FMN1: variants seen among roughly 807,000 people sequenced by gnomAD.
The protein encoded by FMN1 is formin-1.
Under a neutral mutation model 132.4 loss-of-function variants are expected in FMN1, and 110 were observed. The observed-to-expected ratio is 0.83, with a 90% CI of 0.71 to 0.97. FMN1 has a LOEUF of 0.97. Ranked by LOEUF, FMN1 falls within the 50% of genes least tolerant of loss-of-function variation. The pLI, the probability that FMN1 is intolerant of heterozygous loss-of-function variation, is 0.00. For missense variants in FMN1, 1,792 were observed against 1,705.3 expected (o/e 1.05, Z -0.90); for synonymous variants, 722 against 651.7 (o/e 1.11, Z -1.64).
chr15:32,971,310 T>C (rs1307512426), intron 7 of FMN1, among the ~76,000 whole-genome samples: 1 of 152,216 alleles, frequency 6.6e-6, no homozygotes, highest in Non-Finnish European at 1.5e-5. Context: ...TTTTTAAAAT[T>C]TTCAGACAAT....
intron 9 of FMN1, among the ~76,000 whole-genome samples, chr15:32,938,422 G>A (rs1006884841): frequency 4.6e-5 from 7 of 151,992 alleles, no homozygotes; most frequent in South Asian, 2.1e-4. Context: ...CCAGCTCCTC[G>A]GGAGGCTGAG....
intron 4 of FMN1, among the ~76,000 whole-genome samples, chr15:33,125,985 A>C (rs1254900364): frequency 6.7e-6 from 1 of 149,910 alleles, no homozygotes; most frequent in Non-Finnish European, 1.5e-5. Context: ...CTAAGTTAGG[A>C]AAGTGGCTTC....
intron 4 of FMN1, among the ~76,000 whole-genome samples, chr15:33,099,027 G>A (rs2141404211): frequency 6.6e-6 from 1 of 152,256 alleles, no homozygotes; most frequent in South Asian, 2.1e-4. Flanking sequence ...AACACTTTGG[G>A]AAGCTGAGGC....
At chr15:33,056,022 T>A (rs1041250567) in intron 6 of FMN1, among the ~76,000 whole-genome samples, 1 of 152,154 alleles carries the variant, frequency 6.6e-6, no homozygotes, top group African/African-American at 2.4e-5. Context: ...AAAACCAGAA[T>A]GAGCTCAAAT....
intron 15 of FMN1, among the ~76,000 whole-genome samples, chr15:32,895,075 A>C (rs2060121678): frequency 6.6e-6 from 1 of 152,154 alleles, no homozygotes. Context: ...ATATTTTGCT[A>C]TCATAAGCTA....
chr15:33,061,436 A>AAT (rs1466261510), intron 6 of FMN1, among the ~76,000 whole-genome samples: 1 of 152,028 alleles, frequency 6.6e-6, no homozygotes, highest in African/African-American at 2.4e-5. Flanking sequence ...CATATATACA[A>AAT]ATATATATTT....
intron 17 of FMN1, among the ~76,000 whole-genome samples, chr15:32,843,252 C>T (rs1386866761): frequency 1.3e-5 from 2 of 151,950 alleles, no homozygotes; most frequent in East Asian, 3.9e-4. Context: ...AATGAGAAAA[C>T]AATTTGAAAG....
At chr15:32,928,848 G>A (rs2061028509) in intron 9 of FMN1, among the ~76,000 whole-genome samples, 1 of 152,152 alleles carries the variant, frequency 6.6e-6, no homozygotes, top group Non-Finnish European at 1.5e-5. Context: ...CTGCCTACAA[G>A]AAAGGTAATG....
chr15:32,984,249 C>T (rs2032906395), intron 7 of FMN1, among the ~76,000 whole-genome samples: 2 of 152,064 alleles, frequency 1.3e-5, no homozygotes, highest in South Asian at 2.1e-4. Context: ...TTAGGTTTAG[C>T]TTAAAGGACT....
chr15:33,065,157 T>C (rs1229582677), intron 5 of FMN1, 83 bp from the exon 6 acceptor site: 5 of 864,886 alleles, frequency 5.8e-6, no homozygotes, highest in East Asian at 2.6e-5. Flanking sequence ...AACCTAATTC[T>C]GAAGTTAATT....
chr15:33,038,309 T>G (rs2036275633), intron 6 of FMN1, among the ~76,000 whole-genome samples: 1 of 152,214 alleles, frequency 6.6e-6, no homozygotes, highest in African/African-American at 2.4e-5. Context: ...GAACACTGAT[T>G]TGCCGCCCTG....
intron 9 of FMN1, among the ~76,000 whole-genome samples, chr15:32,950,484 A>G (rs2061627226): frequency 6.6e-6 from 1 of 152,206 alleles, no homozygotes; most frequent in African/African-American, 2.4e-5. Flanking sequence ...TGTGGTACAT[A>G]TACACTATGG....
intron 3 of FMN1, among the ~76,000 whole-genome samples, chr15:33,166,054 A>G (rs956977235): frequency 6.6e-6 from 1 of 152,244 alleles, no homozygotes; most frequent in Non-Finnish European, 1.5e-5. Flanking sequence ...TCACAGTAAT[A>G]TGACATCTGT....
At chr15:33,177,803 G>C (rs1019456311) in intron 3 of FMN1, among the ~76,000 whole-genome samples, 1 of 152,132 alleles carries the variant, frequency 6.6e-6, no homozygotes, top group Non-Finnish European at 1.5e-5. Flanking sequence ...TCAGGAGTTC[G>C]AGACCAGCCA....
chr15:33,155,143 C>T (rs1964621891), intron 3 of FMN1, 98 bp from the exon 4 acceptor site: 1 of 447,760 alleles, frequency 2.2e-6, no homozygotes, highest in Non-Finnish European at 4.0e-6. Flanking sequence ...TATCCTTCCT[C>T]TGTGGCTGAC....
rs536150475 is a variant in FMN1, at chr15:32,869,333, G to C, written c.3836-12226C>G. On this transcript the variant is annotated intron_variant, in intron 16 of 20. Transcript: ENST00000616417. ...AAAAGGCTGGTGACCAGCCTGGTTA[G>C]GAAAAGTGTCACAGACATAAGGGGC... is the stretch of plus-strand genomic sequence containing the variant. 2.0e-5 allele frequency among the ~76,000 whole-genome samples: 3 copies of C among 152,152 alleles called. No homozygotes were observed. In the East Asian group the frequency reaches 5.8e-4, roughly 29 times the overall value.
At chr15:33,045,201 G>A (rs766829874) in intron 6 of FMN1, among the ~76,000 whole-genome samples, 38 of 152,206 alleles carry the variant, frequency 2.5e-4, no homozygotes, top group Non-Finnish European at 4.4e-4. Context: ...CAGCACCCAT[G>A]CTCGCACCTG....
At chr15:33,005,748 A>C (rs888187857) in intron 7 of FMN1, among the ~76,000 whole-genome samples, 1 of 152,124 alleles carries the variant, frequency 6.6e-6, no homozygotes, top group Non-Finnish European at 1.5e-5. Flanking sequence ...TTACAGAATC[A>C]CTTCTGTTCC....
intron 4 of FMN1, among the ~76,000 whole-genome samples, chr15:33,112,081 T>C (rs1479660644): frequency 3.3e-5 from 5 of 152,158 alleles, no homozygotes; most frequent in Non-Finnish European, 5.9e-5. Context: ...CAATTTCATG[T>C]CTATGAAAAC....
Sources: gnomAD v4.1 joint callset for allele counts (sites outside exome capture counted in the v4.1 genomes callset) on GRCh38, gnomAD v4.1.1 for gene constraint, MANE v1.5 for transcripts, NCBI Gene and HGNC (gene_info 2026-07-23, HGNC 2026-07-21) for gene names.